GRHL2: variants seen among roughly 807,000 people sequenced by gnomAD.
GRHL2 encodes grainyhead like transcription factor 2.
GRHL2 carries 21 observed loss-of-function variants against 83.8 expected under a neutral mutation model. The observed-to-expected ratio is 0.25, with a 90% confidence interval of 0.18 to 0.36. The LOEUF is 0.36. Among genes scored for constraint, GRHL2 ranks in the 10% least tolerant of loss-of-function variants. GRHL2 has a pLI of 1.00. For synonymous variants in GRHL2, 280 were observed against 278.9 expected (o/e 1.00, Z -0.04); for missense variants, 623 against 781.8 (o/e 0.80, Z 2.42).
chr8:101,567,076 T>C (rs932876555), intron 4 of GRHL2, among the ~76,000 whole-genome samples: 17 of 152,194 alleles, frequency 1.1e-4, no homozygotes, highest in African/African-American at 4.1e-4. Flanking sequence ...ATTTATGATT[T>C]CCCTACAGTT....
chr8:101,516,215 T>C (rs1191612637), intron 1 of GRHL2, among the ~76,000 whole-genome samples: 2 of 152,228 alleles, frequency 1.3e-5, no homozygotes, highest in Non-Finnish European at 2.9e-5. Context: ...AGACTGCCTC[T>C]GGGCTGCAGA....
intron 2 of GRHL2, among the ~76,000 whole-genome samples, chr8:101,547,074 A>T (rs1811281926): frequency 6.6e-6 from 1 of 152,230 alleles, no homozygotes; most frequent in Non-Finnish European, 1.5e-5. Flanking sequence ...TCTTATTTTC[A>T]AACACTGTAT....
At chr8:101,532,708 C>T (rs1810961507) in intron 1 of GRHL2, among the ~76,000 whole-genome samples, 1 of 150,038 alleles carries the variant, frequency 6.7e-6, no homozygotes, top group Admixed American at 6.6e-5. Context: ...GAGCCGAGAT[C>T]ATGCCACTGC....
rs1193960384 is a variant in GRHL2, at chr8:101,543,446, C to T, written c.216+10C>T. ...CTATGACTACTACAAGGTAGGTCCCCAGCCTCCACTTTTCTCTTCTTCCTG... is the reference window on the plus strand; with the variant it reads ...CTATGACTACTACAAGGTAGGTCCCTAGCCTCCACTTTTCTCTTCTTCCTG... On this transcript the variant is annotated intron_variant, in intron 2 of 15. Coordinates refer to ENST00000646743, the MANE Select transcript of GRHL2 (RefSeq NM_024915.4). 1.2e-6 allele frequency: 2 copies of T among 1,613,172 alleles called. No homozygotes were observed. Among genetic ancestry groups the T allele is most frequent in the South Asian group, 1.1e-5 (1 of 91,010 alleles).
At chr8:101,618,092 T>C (rs966064852) in intron 8 of GRHL2, among the ~76,000 whole-genome samples, 4 of 152,202 alleles carry the variant, frequency 2.6e-5, no homozygotes, top group Non-Finnish European at 4.4e-5. Flanking sequence ...ATAGTGTGCC[T>C]GGATCTCCCC....
chr8:101,624,361 A>T (rs1446201623), intron 9 of GRHL2, among the ~76,000 whole-genome samples: 2 of 151,204 alleles, frequency 1.3e-5, no homozygotes, highest in Non-Finnish European at 2.9e-5. Flanking sequence ...ACAGTAGAAC[A>T]GTGTAGGGCA....
intron 12 of GRHL2, among the ~76,000 whole-genome samples, chr8:101,639,309 A>G (rs2129647263): frequency 1.3e-5 from 2 of 151,546 alleles, no homozygotes; most frequent in Middle Eastern, 6.8e-3. Context: ...ACCAGAGTTA[A>G]GACATGGTAG....
chr8:101,567,408 G>C (rs1811739417), intron 4 of GRHL2, among the ~76,000 whole-genome samples: 1 of 152,178 alleles, frequency 6.6e-6, no homozygotes, highest in African/African-American at 2.4e-5. Flanking sequence ...TAGCCAGAAT[G>C]ACCTGAGCAT....
chr8:101,594,817 G>A (rs1215271385), intron 7 of GRHL2, among the ~76,000 whole-genome samples: 1 of 152,142 alleles, frequency 6.6e-6, no homozygotes, highest in African/African-American at 2.4e-5. Flanking sequence ...ATGATATTAA[G>A]AACTGAGAAA....
chr8:101,542,555 G>GA (rs5893569), intron 1 of GRHL2, among the ~76,000 whole-genome samples: 162 of 141,704 alleles, frequency 1.1e-3, no homozygotes, highest in African/African-American at 2.8e-3. Context: ...CTCCGTCTCA[G>GA]AAAAAAAAAA....
chr8:101,583,246 T>G (rs1377522359), intron 7 of GRHL2, among the ~76,000 whole-genome samples: 1 of 152,136 alleles, frequency 6.6e-6, no homozygotes, highest in Non-Finnish European at 1.5e-5. Context: ...GTGGGATGGA[T>G]GCAGTGAGGG....
intron 11 of GRHL2, 102 bp downstream of exon 11, chr8:101,632,467 C>A: frequency 7.3e-7 from 1 of 1,369,860 alleles, no homozygotes; most frequent in Non-Finnish European, 1.0e-6. Context: ...AAATAACTTA[C>A]CTTCCATTCA....
rs147061997 is a variant in GRHL2, at chr8:101,620,194, G to C, written c.1257+497G>C. ...CTAAGGACACAAATTCTATCATAAA[G>C]ACTCTACCCTCATGACCTCATCTAA... On this transcript the variant is annotated intron_variant, in intron 9 of 15. Transcript: ENST00000646743. Among the ~76,000 whole-genome samples the C allele has an allele frequency of 4.4e-3, 672 of 152,182 alleles. 6 individuals carry two copies. Among genetic ancestry groups the C allele is most frequent in the African/African-American group, 0.015 (606 of 41,496 alleles).
At position 101,578,240 on chromosome 8, in the gene GRHL2, G is replaced by A. The variant is rs181115793; in HGVS notation, c.1003+721G>A. ...TACCTGCAGGGCTGGAGAATCAAAG[G>A]GAGGAGGAGGTGGGTGTTGGAGGAG... On this transcript the variant is annotated intron_variant, in intron 7 of 15. Coordinates refer to ENST00000646743, the MANE Select transcript of GRHL2 (RefSeq NM_024915.4). Among the ~76,000 whole-genome samples, 424 of 152,308 alleles carry A rather than the reference G, an allele frequency of 2.8e-3. 2 individuals carry two copies. Among genetic ancestry groups the A allele is most frequent in the Admixed American group, 0.01 (157 of 15,296 alleles).
intron 9 of GRHL2, among the ~76,000 whole-genome samples, chr8:101,625,826 C>T (rs927256331): frequency 8.6e-5 from 13 of 152,014 alleles, no homozygotes; most frequent in African/African-American, 2.9e-4. Flanking sequence ...AGCATTTATT[C>T]CAAGTGAGTA....
chr8:101,678,103 C>T, the GRHL2 span, among the ~76,000 whole-genome samples: 6 of 152,314 alleles, frequency 3.9e-5, no homozygotes, highest in Admixed American at 3.3e-4. Flanking sequence ...ATAGGAACAG[C>T]TCCAGTCTAC....
At chr8:101,522,305 A>T (rs1458233594) in intron 1 of GRHL2, among the ~76,000 whole-genome samples, 2 of 152,220 alleles carry the variant, frequency 1.3e-5, no homozygotes, top group Non-Finnish European at 2.9e-5. Flanking sequence ...AATAAAAATA[A>T]TACAAATGAA....
chr8:101,600,735 A>G (rs1023543341), intron 8 of GRHL2, among the ~76,000 whole-genome samples: 2 of 152,234 alleles, frequency 1.3e-5, no homozygotes, highest in Admixed American at 1.3e-4. Flanking sequence ...GGCATAAAGC[A>G]TGATGATCCA....
intron 8 of GRHL2, among the ~76,000 whole-genome samples, chr8:101,606,391 G>T (rs1812635333): frequency 6.6e-6 from 1 of 152,172 alleles, no homozygotes. Context: ...TTGCCCCATT[G>T]CCTTCCTGTT....
Sources: allele counts gnomAD v4.1 joint callset (sites outside exome capture counted in the v4.1 genomes callset), GRCh38; gene constraint gnomAD v4.1.1; transcripts MANE v1.5; gene names NCBI Gene and HGNC (gene_info 2026-07-23, HGNC 2026-07-21).